Variants in PCDHGA7 observed in about 807,000 individuals in gnomAD.
The protein encoded by PCDHGA7 is protocadherin gamma-A7.
Under a neutral mutation model 58.3 loss-of-function variants are expected in PCDHGA7, and 44 were observed. The observed-to-expected ratio is 0.75, with a 90% CI of 0.59 to 0.97. PCDHGA7 has a LOEUF of 0.97. PCDHGA7 is among the 50% of genes least tolerant of loss of function. PCDHGA7 has a pLI of 0.00. For missense variants in PCDHGA7, 1,266 were observed against 1,188.7 expected (o/e 1.06, Z -0.96); for synonymous variants, 516 against 504.2 (o/e 1.02, Z -0.31).
chr5:141,403,442 G>C (rs565143998), intron 1 of PCDHGA7: 1 of 1,614,024 alleles, frequency 6.2e-7, no homozygotes, highest in East Asian at 2.2e-5. Flanking sequence ...GGATGTTGGC[G>C]TGAACTCCCT....
intron 1 of PCDHGA7, chr5:141,389,763 G>C: frequency 6.2e-7 from 1 of 1,612,978 alleles, no homozygotes; most frequent in African/African-American, 1.3e-5. Context: ...AGTGCGCACA[G>C]CGCGTGCCTT....
intron 1 of PCDHGA7, among the ~76,000 whole-genome samples, chr5:141,386,310 A>G (rs891781671): frequency 6.6e-6 from 1 of 152,216 alleles, no homozygotes; most frequent in African/African-American, 2.4e-5. Flanking sequence ...AGCTCAGTAT[A>G]TCAAGTGATT....
chr5:141,457,498 G>A (rs193168963), intron 1 of PCDHGA7, among the ~76,000 whole-genome samples: 23 of 152,246 alleles, frequency 1.5e-4, no homozygotes, highest in African/African-American at 4.3e-4. Flanking sequence ...TAAAATGTAG[G>A]CAAAAAGCTT....
intron 1 of PCDHGA7, among the ~76,000 whole-genome samples, chr5:141,492,490 G>C (rs2099741140): frequency 6.6e-6 from 1 of 152,208 alleles, no homozygotes; most frequent in Non-Finnish European, 1.5e-5. Context: ...CCAGGACCAG[G>C]CGAGGACTCC....
chr5:141,408,669 C>T lies in PCDHGA7; in HGVS notation c.2424+23346C>T, dbSNP rs2095146839. ...GCTGGTACACGACTATCGCTTGACCCTGCCACGGATCCTGATATAAACATA... is the reference window on the plus strand; with the variant it reads ...GCTGGTACACGACTATCGCTTGACCTTGCCACGGATCCTGATATAAACATA... On this transcript the variant is annotated intron_variant, in intron 1 of 3. Transcript: ENST00000518325. The T allele has an allele frequency of 2.5e-6, 4 of 1,613,988 alleles. No homozygotes were observed. Among genetic ancestry groups the T allele is most frequent in the South Asian group, 2.2e-5 (2 of 91,078 alleles).
At chr5:141,415,793 T>C in intron 1 of PCDHGA7, 1 of 1,373,160 alleles carries the variant, frequency 7.3e-7, no homozygotes, top group Non-Finnish European at 9.4e-7. Context: ...AAAATTCACC[T>C]AGTCTCAATC....
In PCDHGA7 at chr5:141,494,832, G is replaced by A. The variant is rs758427900; in HGVS notation, c.2450G>A (p.Arg817His). The A allele has an allele frequency of 1.2e-6, 2 of 1,614,066 alleles. No homozygotes were observed. Among genetic ancestry groups the A allele is most frequent in the Non-Finnish European group, 1.7e-6 (2 of 1,179,994 alleles). The change falls in exon 2 of 4, where the codon CGT (arginine) becomes CAT (histidine). Residue 817 changes from arginine (R) to histidine (H), a missense_variant. Transcript: ENST00000518325. ...CAAGCCCCGCCCAACACGGACTGGC[G>A]TTTCTCTCAGGCCCAGAGACCCGGC... ...IQQAPPNTDW[R>H]FSQAQRPGTS...
At chr5:141,473,167 C>T (rs1360150717) in intron 1 of PCDHGA7, among the ~76,000 whole-genome samples, 2 of 152,122 alleles carry the variant, frequency 1.3e-5, no homozygotes. Flanking sequence ...TAGGAAGGCC[C>T]ACTGGTAACT....
intron 1 of PCDHGA7, chr5:141,410,641 T>G: frequency 6.3e-7 from 1 of 1,599,146 alleles, no homozygotes. Context: ...CTTTTTTGTG[T>G]GTGATTTATC....
chr5:141,442,894 C>T (rs1173211061), intron 1 of PCDHGA7, among the ~76,000 whole-genome samples: 1 of 152,204 alleles, frequency 6.6e-6, no homozygotes, highest in Non-Finnish European at 1.5e-5. Flanking sequence ...CCCTGCTTAT[C>T]ACTTCTCCTT....
intron 1 of PCDHGA7, chr5:141,392,761 A>G (rs1341541753): frequency 1.6e-5 from 24 of 1,476,812 alleles, no homozygotes; most frequent in Non-Finnish European, 2.1e-5. Flanking sequence ...AAACTAAATA[A>G]GACCCATTTA....
intron 1 of PCDHGA7, chr5:141,484,931 A>G (rs940135310): frequency 1.4e-5 from 7 of 497,998 alleles, no homozygotes; most frequent in Non-Finnish European, 2.5e-5. Flanking sequence ...TGCTGTTGGG[A>G]CGTTCTCTGC....
At chr5:141,413,722 T>TCC (rs1330658153) in intron 1 of PCDHGA7, 1 of 1,613,450 alleles carries the variant, frequency 6.2e-7, no homozygotes. Context: ...TAAGCACTTC[T>TCC]CCCTAAGAGT....
intron 1 of PCDHGA7, chr5:141,419,553 C>T (rs2096398346): frequency 1.2e-5 from 20 of 1,611,902 alleles, no homozygotes; most frequent in Non-Finnish European, 1.4e-5. Flanking sequence ...GTGCTGTACC[C>T]TGCGCTGGGT....
In PCDHGA7 at chr5:141,490,052, A is replaced by G. The variant is rs774710472; in HGVS notation, c.2425-4755A>G. 11 of 1,614,098 alleles carry G rather than the reference A, an allele frequency of 6.8e-6. No homozygotes were observed. The highest frequency in any genetic ancestry group is 9.3e-6 in the Non-Finnish European group (11 of 1,180,014). On this transcript the variant is annotated intron_variant, in intron 1 of 3. Transcript: ENST00000518325. The surrounding 1 kb of genome is among the most constrained non-coding windows in gnomAD (Gnocchi z 5.4). ...CGCCTCAATGCCACTGATCCAGACG[A>G]GGGCACCAACGGCCAACTAGACTAT... is the stretch of plus-strand genomic sequence containing the variant.
chr5:141,394,104 C>T (rs761567726), intron 1 of PCDHGA7: 1 of 1,613,824 alleles, frequency 6.2e-7, no homozygotes, highest in African/African-American at 1.3e-5. Flanking sequence ...AGGAACACCA[C>T]CTCTGTCCAC....
At chr5:141,478,493 G>A in intron 1 of PCDHGA7, 1 of 1,613,176 alleles carries the variant, frequency 6.2e-7, no homozygotes, top group Non-Finnish European at 8.5e-7. Flanking sequence ...GCGGAGCTGT[G>A]ATCCGGTGTT....
intron 1 of PCDHGA7, among the ~76,000 whole-genome samples, chr5:141,494,070 C>T (rs933213518): frequency 3.9e-5 from 6 of 152,174 alleles, no homozygotes; most frequent in African/African-American, 1.4e-4. Context: ...AGCTGGATCC[C>T]TCCCCGCTGC....
rs1036126623 is a variant in PCDHGA7, at chr5:141,410,753, T to A, written c.2424+25430T>A. On this transcript the variant is annotated intron_variant, in intron 1 of 3. Transcript: ENST00000518325. ...AGCTTTTTACAATATTTTCTCAATG[T>A]TTTTTCAATTATAGTTTTCACTATG... 4.1e-6 allele frequency: 5 copies of A among 1,229,696 alleles called. No individual in the cohort carries two copies. In the African/African-American group the frequency reaches 6.1e-5, roughly 15 times the overall value. 76.2% of individuals were successfully genotyped at this position (1,229,696 alleles called of 1,614,324 possible). A position where few individuals can be genotyped will look rare whatever the true frequency, so the allele number is the denominator to read the frequency against.
Sources: gnomAD v4.1 joint callset for allele counts (sites outside exome capture counted in the v4.1 genomes callset) on GRCh38, gnomAD v4.1.1 for gene constraint, Gnocchi (gnomAD v3.1) non-coding constraint, MANE v1.5 for transcripts, NCBI Gene and HGNC (gene_info 2026-07-23, HGNC 2026-07-21) for gene names.